Variants in ZMIZ1 observed in about 807,000 individuals in gnomAD.
The protein encoded by ZMIZ1 is zinc finger MIZ domain-containing protein 1.
In ZMIZ1, 17 loss-of-function variants were observed where a neutral mutation model predicts 113.9. The observed-to-expected ratio is 0.15, with a 90% CI of 0.10 to 0.22. The LOEUF is 0.22. ZMIZ1 is among the 10% of genes least tolerant of loss of function. The probability of loss-of-function intolerance (pLI) is 1.00; values close to 1 mark genes in which losing one functional copy is unlikely to be tolerated. For missense variants in ZMIZ1, 1,059 were observed against 1,477.8 expected, an observed-to-expected ratio of 0.72 and a Z score of 4.65; for synonymous variants, 607 against 603.1, an observed-to-expected ratio of 1.01 and a Z score of -0.09.
At chr10:79,215,577 G>A (rs1311615234) in intron 6 of ZMIZ1, among the ~76,000 whole-genome samples, 2 of 152,202 alleles carry the variant, frequency 1.3e-5, no homozygotes, top group Non-Finnish European at 2.9e-5. Flanking sequence ...GGGATTATAG[G>A]TGTGAGCCAC....
chr10:79,104,541 G>T (rs1287257618), intron 1 of ZMIZ1, among the ~76,000 whole-genome samples: 1 of 152,230 alleles, frequency 6.6e-6, no homozygotes, highest in Non-Finnish European at 1.5e-5. Context: ...CCAAGGTACA[G>T]AGATGGGCCA....
intron 7 of ZMIZ1, among the ~76,000 whole-genome samples, chr10:79,222,697 G>T (rs540128039): frequency 4.6e-5 from 7 of 152,250 alleles, no homozygotes; most frequent in African/African-American, 1.4e-4. Context: ...CCTGTCTGTG[G>T]CCTGTGGTCC....
rs185093503 is a variant in ZMIZ1, at chr10:79,209,544, A to G, written c.174+1095A>G. On this transcript the variant is annotated intron_variant, in intron 6 of 24. Coordinates refer to ENST00000334512, the MANE Select transcript of ZMIZ1 (RefSeq NM_020338.4). ...AGCCCGCCTATCCTGAGGCTGGGAG[A>G]GGATGTCTGGCCAGGCGGGAACAGC... 1.6e-3 allele frequency among the ~76,000 whole-genome samples: 250 copies of G among 152,286 alleles called. 2 individuals are homozygous for G. The highest frequency in any genetic ancestry group is 1.1e-3 in the Non-Finnish European group (76 of 68,014).
At chr10:79,144,132 G>C (rs965542144) in intron 3 of ZMIZ1, among the ~76,000 whole-genome samples, 3 of 152,168 alleles carry the variant, frequency 2.0e-5, no homozygotes, top group Non-Finnish European at 4.4e-5. Context: ...CGTGCCTTTA[G>C]ACTCACTTTT....
At chr10:79,199,834 G>T (rs1284367303) in intron 4 of ZMIZ1, among the ~76,000 whole-genome samples, 1 of 150,850 alleles carries the variant, frequency 6.6e-6, no homozygotes, top group Non-Finnish European at 1.5e-5. Context: ...AATGAGAATT[G>T]CACCAAGAGC....
At chr10:79,304,875 C>CA (rs1854574023) in intron 19 of ZMIZ1, among the ~76,000 whole-genome samples, 1 of 152,016 alleles carries the variant, frequency 6.6e-6, no homozygotes. Context: ...TATTACAGGG[C>CA]AAAAAACAGT....
intron 1 of ZMIZ1, among the ~76,000 whole-genome samples, chr10:79,104,430 T>C (rs1012429706): frequency 8.5e-5 from 13 of 152,174 alleles, no homozygotes; most frequent in African/African-American, 3.1e-4. Context: ...ATATAAGCCA[T>C]TGTGCTCTCA....
chr10:79,197,296 C>T lies in ZMIZ1; in HGVS notation c.-49-4288C>T, dbSNP rs1022278482. Among the ~76,000 whole-genome samples, 3 of 152,284 alleles carry T rather than the reference C, an allele frequency of 2.0e-5. No individual in the cohort carries two copies. The South Asian group carries it at 6.2e-4, about 32-fold the overall frequency. ...CACGTGGGACCCAGGCCTTCACTGC[C>T]GCATGGGTATCACATGGTGCCTGGG... On this transcript the variant is annotated intron_variant, in intron 4 of 24. Transcript: ENST00000334512.
intron 7 of ZMIZ1, among the ~76,000 whole-genome samples, chr10:79,241,876 C>T (rs1297454922): frequency 2.0e-5 from 3 of 151,994 alleles, no homozygotes; most frequent in African/African-American, 7.2e-5. Flanking sequence ...CCGGTGTTGG[C>T]CAGGGCAGCA....
intron 3 of ZMIZ1, among the ~76,000 whole-genome samples, chr10:79,153,262 C>T (rs946928729): frequency 6.6e-6 from 1 of 152,240 alleles, no homozygotes; most frequent in African/African-American, 2.4e-5. Flanking sequence ...TAAGGACCCT[C>T]CTCCTTGTAG....
intron 16 of ZMIZ1, 95 bp downstream of exon 16, chr10:79,299,286 A>G (rs1854134804): frequency 1.3e-6 from 2 of 1,488,092 alleles, no homozygotes; most frequent in Non-Finnish European, 1.8e-6. Context: ...GGCAGGGGGT[A>G]GCAGCATCTT....
At chr10:79,223,030 G>A (rs182013857) in intron 7 of ZMIZ1, among the ~76,000 whole-genome samples, 24 of 152,228 alleles carry the variant, frequency 1.6e-4, no homozygotes, top group Non-Finnish European at 1.5e-5. Flanking sequence ...GACATTCCTG[G>A]TCTCTTTTGG....
In ZMIZ1 at chr10:79,213,201, G is replaced by A. The variant is rs115456996; in HGVS notation, c.175-2968G>A. 4.3e-3 allele frequency among the ~76,000 whole-genome samples: 650 copies of A among 152,336 alleles called. 5 individuals are homozygous for A. Among genetic ancestry groups the A allele is most frequent in the African/African-American group, 0.015 (627 of 41,586 alleles). ...GCATCATGACCACTGGGGTGAGAAT[G>A]GGCCTCTCTGAAAAACAAGCTGCAC... On this transcript the variant is annotated intron_variant, in intron 6 of 24. Transcript: ENST00000334512.
chr10:79,291,459 T>C (rs1457629426), intron 10 of ZMIZ1, among the ~76,000 whole-genome samples: 1 of 152,218 alleles, frequency 6.6e-6, no homozygotes, highest in Non-Finnish European at 1.5e-5. Flanking sequence ...TCTCTAAATT[T>C]TGTCTTTAAT....
intron 9 of ZMIZ1, 148 bp downstream of exon 9, chr10:79,290,037 TC>T: frequency 1.3e-6 from 1 of 792,370 alleles, no homozygotes. Flanking sequence ...TGGACACGTC[TC>T]CACCCCTGGC....
intron 1 of ZMIZ1, among the ~76,000 whole-genome samples, chr10:79,099,647 A>G (rs1409555952): frequency 1.3e-5 from 2 of 152,068 alleles, no homozygotes; most frequent in African/African-American, 2.4e-5. Flanking sequence ...CCCAGTGTGG[A>G]GCCCAAGTCC....
chr10:79,201,505 G>A, intron 4 of ZMIZ1, 79 bp from the exon 5 acceptor site: 1 of 1,064,286 alleles, frequency 9.4e-7, no homozygotes, highest in East Asian at 2.4e-5. Context: ...CAGTGTTGTG[G>A]CCAGAGGGCA....
At chr10:79,100,247 G>A (rs1438019498) in intron 1 of ZMIZ1, among the ~76,000 whole-genome samples, 1 of 152,044 alleles carries the variant, frequency 6.6e-6, no homozygotes, top group Non-Finnish European at 1.5e-5. Flanking sequence ...TTCAAGGAGG[G>A]CCTCCCAGAG....
chr10:79,113,214 T>A (rs1253438268), intron 1 of ZMIZ1, among the ~76,000 whole-genome samples: 3 of 152,212 alleles, frequency 2.0e-5, no homozygotes, highest in African/African-American at 7.2e-5. Flanking sequence ...ACAGCTCTGG[T>A]GCCGAGGTCC....
Sources: allele counts gnomAD v4.1 joint callset (sites outside exome capture counted in the v4.1 genomes callset), GRCh38; gene constraint gnomAD v4.1.1; transcripts MANE v1.5; gene names NCBI Gene and HGNC (gene_info 2026-07-23, HGNC 2026-07-21).